The following RALYL variants were observed in gnomAD, a reference collection of about 807,000 sequenced individuals.
RALYL encodes RNA-binding Raly-like protein.
Under a neutral mutation model 35.1 loss-of-function variants are expected in RALYL, and 29 were observed. The ratio of observed to expected loss-of-function variants is 0.83; its 90% CI spans 0.61 to 1.13. The LOEUF (loss-of-function observed/expected upper bound fraction) is 1.13, where lower values mean the gene tolerates loss of function less well. RALYL is among the 50% of genes most tolerant of loss of function. RALYL has a pLI of 0.00. For synonymous variants in RALYL, 120 were observed against 127.6 expected, an observed-to-expected ratio of 0.94 and a Z score of 0.40; for missense variants, 359 against 360.4, an observed-to-expected ratio of 1.00 and a Z score of 0.03.
At chr8:84,655,306 T>A (rs560456935) in intron 2 of RALYL, among the ~76,000 whole-genome samples, 174 of 151,752 alleles carry the variant, frequency 1.1e-3, no homozygotes, top group Non-Finnish European at 1.4e-3. Context: ...TTTTTTTTTG[T>A]TTTTGTCTTG....
chr8:84,576,420 T>C (rs539923030), intron 2 of RALYL, among the ~76,000 whole-genome samples: 39 of 152,338 alleles, frequency 2.6e-4, no homozygotes, highest in African/African-American at 8.7e-4. Context: ...AAAACAATTG[T>C]GCCAACTTTG....
chr8:84,625,340 T>G (rs1263417309), intron 2 of RALYL, among the ~76,000 whole-genome samples: 1 of 152,196 alleles, frequency 6.6e-6, no homozygotes, highest in African/African-American at 2.4e-5. Context: ...TAAAGAACTC[T>G]TCCTGGAATT....
chr8:84,894,420 G>A (rs1244040366), intron 8 of RALYL, among the ~76,000 whole-genome samples: 1 of 152,162 alleles, frequency 6.6e-6, no homozygotes, highest in Non-Finnish European at 1.5e-5. Context: ...TCTTAGCACA[G>A]CATTCAAAGA....
At position 84,804,821 on chromosome 8, in the gene RALYL, A is replaced by ATATACTTAC; in HGVS notation, c.365+19_365+20insTATACTTAC. 9.5e-7 allele frequency: 1 copy of ATATACTTAC among 1,050,446 alleles called. No individual in the cohort carries two copies. Among genetic ancestry groups the ATATACTTAC allele is most frequent in the Non-Finnish European group, 1.2e-6 (1 of 801,132 alleles). The allele number at this position is 1,050,446 out of a possible 1,614,324, so 65.1% of individuals were successfully genotyped here. ...CTGTTGGGTAAGTATATATTTAAATACTTTAAGTATTAATTATTTAATTCA... is the reference window on the plus strand; with the variant it reads ...CTGTTGGGTAAGTATATATTTAAATATATACTTACCTTTAAGTATTAATTATTTAATTCA... On this transcript the variant is annotated intron_variant, in intron 4 of 8. Coordinates refer to ENST00000521268, the MANE Select transcript of RALYL (RefSeq NM_173848.7).
intron 1 of RALYL, among the ~76,000 whole-genome samples, chr8:84,242,336 C>G (rs1828120824): frequency 1.3e-5 from 2 of 152,096 alleles, no homozygotes; most frequent in Admixed American, 1.3e-4. Context: ...AGAATGATTT[C>G]TATTCATTTG....
chr8:84,841,766 A>G (rs1312177699), intron 4 of RALYL, among the ~76,000 whole-genome samples: 2 of 152,182 alleles, frequency 1.3e-5, no homozygotes, highest in African/African-American at 4.8e-5. Flanking sequence ...ACAACAAACT[A>G]TCTCTCAGAC....
At chr8:84,590,573 C>T (rs1180106837) in intron 2 of RALYL, among the ~76,000 whole-genome samples, 1 of 152,152 alleles carries the variant, frequency 6.6e-6, no homozygotes, top group Non-Finnish European at 1.5e-5. Context: ...TTGAAGGACG[C>T]TCATGTGGAA....
intron 1 of RALYL, among the ~76,000 whole-genome samples, chr8:84,425,634 C>T (rs2046320919): frequency 6.6e-6 from 1 of 152,202 alleles, no homozygotes; most frequent in East Asian, 1.9e-4. Context: ...AACAGCAATT[C>T]TAAACTTTTC....
At chr8:84,427,629 C>T (rs2046643106) in intron 1 of RALYL, among the ~76,000 whole-genome samples, 1 of 152,110 alleles carries the variant, frequency 6.6e-6, no homozygotes, top group Admixed American at 6.5e-5. Flanking sequence ...ATATGTATTA[C>T]TCATCTTCCC....
At chr8:84,788,981 G>T (rs551372035) in intron 3 of RALYL, among the ~76,000 whole-genome samples, 10 of 152,294 alleles carry the variant, frequency 6.6e-5, no homozygotes, top group African/African-American at 2.2e-4. Context: ...AATAATAACT[G>T]CCCCCTGGTA....
intron 2 of RALYL, among the ~76,000 whole-genome samples, chr8:84,742,674 A>G (rs1807651579): frequency 6.6e-6 from 1 of 152,036 alleles, no homozygotes; most frequent in African/African-American, 2.4e-5. Context: ...ATGTTTACCA[A>G]GCATTAAAAG....
At chr8:84,499,751 G>T (rs1003330517) in intron 1 of RALYL, among the ~76,000 whole-genome samples, 6 of 151,968 alleles carry the variant, frequency 3.9e-5, no homozygotes, top group Non-Finnish European at 7.4e-5. Flanking sequence ...TATAAATGAT[G>T]TGATTATTTA....
At chr8:84,191,342 C>T (rs960970121) in intron 1 of RALYL, among the ~76,000 whole-genome samples, 1 of 151,996 alleles carries the variant, frequency 6.6e-6, no homozygotes, top group African/African-American at 2.4e-5. Flanking sequence ...AGAGGGCTAA[C>T]CTGTTACATA....
intron 4 of RALYL, among the ~76,000 whole-genome samples, chr8:84,843,112 G>A (rs557864695): frequency 6.6e-6 from 1 of 152,226 alleles, no homozygotes; most frequent in South Asian, 2.1e-4. Flanking sequence ...GGAAGTTCTG[G>A]CCAGGGCAAT....
At chr8:84,497,467 C>T (rs1587787317) in intron 1 of RALYL, among the ~76,000 whole-genome samples, 1 of 151,988 alleles carries the variant, frequency 6.6e-6, no homozygotes, top group Admixed American at 6.6e-5. Context: ...GCAAAGAATA[C>T]AGCTTGGGTA....
At position 84,898,819 on chromosome 8, in the gene RALYL, T is replaced by A. The variant is rs1587068165; in HGVS notation, c.858+11043T>A. Among the ~76,000 whole-genome samples, 5 of 152,302 alleles carry A rather than the reference T, an allele frequency of 3.3e-5. No individual in the cohort carries two copies. In the East Asian group the frequency reaches 9.6e-4, roughly 29 times the overall value. Reference sequence around the variant, plus strand: ...ACTTTTATTTCACTACTCGGTTTTATCTGGAAACCTTCCTGAAATTTCAAG... The same window carrying A: ...ACTTTTATTTCACTACTCGGTTTTAACTGGAAACCTTCCTGAAATTTCAAG... On this transcript the variant is annotated intron_variant, in intron 8 of 8. Transcript: ENST00000521268.
chr8:84,367,139 CTTT>C (rs577327966), intron 1 of RALYL, among the ~76,000 whole-genome samples: 3 of 136,826 alleles, frequency 2.2e-5, no homozygotes, highest in Non-Finnish European at 3.2e-5. Flanking sequence ...TTTCTTTTTT[CTTT>C]TTTTTTTTTT....
chr8:84,917,555 A>AG (rs1848681751), intron 8 of RALYL, among the ~76,000 whole-genome samples: 1 of 150,870 alleles, frequency 6.6e-6, no homozygotes, highest in East Asian at 1.9e-4. Flanking sequence ...GAAATTACAT[A>AG]CTAGATGTCA....
At chr8:84,338,228 T>C (rs553494162) in intron 1 of RALYL, among the ~76,000 whole-genome samples, 59 of 152,094 alleles carry the variant, frequency 3.9e-4, no homozygotes, top group African/African-American at 1.4e-3. Flanking sequence ...TCTCATTTTA[T>C]AGGTAAGAGA....
Sources: allele counts gnomAD v4.1 joint callset (sites outside exome capture counted in the v4.1 genomes callset), GRCh38; gene constraint gnomAD v4.1.1; transcripts MANE v1.5; gene names NCBI Gene and HGNC (gene_info 2026-07-23, HGNC 2026-07-21).